Variants in ASTN2 observed in about 807,000 individuals in gnomAD.
ASTN2 encodes astrotactin-2.
Under a neutral mutation model 139.8 loss-of-function variants are expected in ASTN2, and 54 were observed. That is an observed-to-expected ratio of 0.39 (90% CI 0.31 to 0.48). The LOEUF (loss-of-function observed/expected upper bound fraction) is 0.48. ASTN2 is among the 20% of genes least tolerant of loss of function. The pLI, the probability that ASTN2 is intolerant of heterozygous loss-of-function variation, is 0.95. For missense variants in ASTN2, 1,565 were observed against 1,725.1 expected (o/e 0.91, Z 1.64); for synonymous variants, 756 against 719.5 (o/e 1.05, Z -0.81).
chr9:117,122,452 T>TG (rs1829581119), intron 4 of ASTN2, among the ~76,000 whole-genome samples: 1 of 151,582 alleles, frequency 6.6e-6, no homozygotes, highest in African/African-American at 2.4e-5. Flanking sequence ...CACCTGGGAG[T>TG]GGGGAGGGAA....
At chr9:116,544,983 T>G (rs1224565945) in intron 19 of ASTN2, among the ~76,000 whole-genome samples, 1 of 152,232 alleles carries the variant, frequency 6.6e-6, no homozygotes, top group Admixed American at 6.5e-5. Flanking sequence ...CTGGCCCAGC[T>G]ACCTGCTCCC....
intron 22 of ASTN2, among the ~76,000 whole-genome samples, chr9:116,427,343 C>T (rs141732421): frequency 1.3e-5 from 2 of 152,284 alleles, no homozygotes; most frequent in African/African-American, 2.4e-5. Context: ...GGCAAAATCA[C>T]CCAAGTTGAG....
chr9:116,460,695 G>T (rs1424215303), intron 20 of ASTN2, among the ~76,000 whole-genome samples: 1 of 152,086 alleles, frequency 6.6e-6, no homozygotes, highest in Non-Finnish European at 1.5e-5. Flanking sequence ...CAGAGTTTAG[G>T]GTCATGGATG....
chr9:117,274,278 A>C (rs1008254580), intron 2 of ASTN2, among the ~76,000 whole-genome samples: 2 of 152,154 alleles, frequency 1.3e-5, no homozygotes, highest in Non-Finnish European at 2.9e-5. Context: ...TGACTCTGGG[A>C]GGTAGAGGTT....
At chr9:117,003,953 C>CGCGCGCGT (rs1218309835) in intron 7 of ASTN2, among the ~76,000 whole-genome samples, 19 of 146,286 alleles carry the variant, frequency 1.3e-4, no homozygotes, top group African/African-American at 4.2e-4. Context: ...CGCGCGCGCG[C>CGCGCGCGT]GTGTGTGTGT....
At chr9:116,987,344 T>G (rs1204881420) in intron 7 of ASTN2, among the ~76,000 whole-genome samples, 1 of 152,212 alleles carries the variant, frequency 6.6e-6, no homozygotes, top group Non-Finnish European at 1.5e-5. Context: ...GCTCAGCTCA[T>G]GTGGGCAACC....
intron 19 of ASTN2, among the ~76,000 whole-genome samples, chr9:116,603,816 C>A (rs1182520573): frequency 2.0e-5 from 3 of 152,142 alleles, no homozygotes; most frequent in African/African-American, 7.2e-5. Flanking sequence ...TAACGGGAAG[C>A]TGCTACTAAG....
At position 116,426,098 on chromosome 9, in the gene ASTN2, A is replaced by G; in HGVS notation, c.3783-10T>C. The stretch of plus-strand genomic sequence containing the variant: ...AATCAGGTGGGCCTTCCTGAAAGGT[A>G]GGATGAGACAGCCATGATTAAAGAA... On this transcript the variant is annotated splice_polypyrimidine_tract_variant and intron_variant, in intron 22 of 22. Coordinates refer to ENST00000313400, the MANE Select transcript of ASTN2 (RefSeq NM_001365068.1). The G allele has an allele frequency of 6.2e-7, 1 of 1,611,346 alleles. No individual in the cohort carries two copies. The highest frequency in any genetic ancestry group is 1.1e-5 in the South Asian group (1 of 91,064).
intron 7 of ASTN2, among the ~76,000 whole-genome samples, chr9:117,005,080 A>T (rs1041644850): frequency 2.1e-4 from 16 of 74,668 alleles, no homozygotes; most frequent in Non-Finnish European, 2.5e-4. Context: ...CCTGTAGTCG[A>T]TTTTTTTTTT....
chr9:117,363,397 A>G (rs969513353), intron 1 of ASTN2, among the ~76,000 whole-genome samples: 9 of 152,206 alleles, frequency 5.9e-5, no homozygotes, highest in African/African-American at 1.9e-4. Context: ...GTCCCATTCT[A>G]TAAGTAAAAC....
At chr9:116,966,022 G>T (rs1415123442) in intron 10 of ASTN2, among the ~76,000 whole-genome samples, 1 of 152,162 alleles carries the variant, frequency 6.6e-6, no homozygotes, top group Non-Finnish European at 1.5e-5. Context: ...ACTATCTCCA[G>T]TTTGGGGTCA....
chr9:117,337,517 G>A (rs1356921558), intron 1 of ASTN2, among the ~76,000 whole-genome samples: 1 of 152,120 alleles, frequency 6.6e-6, no homozygotes, highest in Non-Finnish European at 1.5e-5. Flanking sequence ...TCTTATAACA[G>A]CACCGTTAAG....
chr9:116,470,610 C>G lies in ASTN2; in HGVS notation c.3497+16749G>C, dbSNP rs1161598686. Among the ~76,000 whole-genome samples the G allele has an allele frequency of 3.3e-5, 5 of 152,274 alleles. No individual in the cohort carries two copies. In the East Asian group the frequency reaches 9.6e-4, roughly 29 times the overall value. On this transcript the variant is annotated intron_variant, in intron 20 of 22. Coordinates refer to ENST00000313400, the MANE Select transcript of ASTN2 (RefSeq NM_001365068.1). ...TGGTGCCTGGTATATTGAAAGCACT[C>G]TTTATATAATAGCCATTCATATCAT...
At chr9:116,926,144 A>T (rs575138328) in intron 10 of ASTN2, among the ~76,000 whole-genome samples, 3 of 152,024 alleles carry the variant, frequency 2.0e-5, no homozygotes, top group Non-Finnish European at 2.9e-5. Context: ...CCTGTTTGTA[A>T]TGTTGTTCCC....
chr9:116,941,811 G>A (rs959786559), intron 10 of ASTN2, among the ~76,000 whole-genome samples: 5 of 151,806 alleles, frequency 3.3e-5, no homozygotes, highest in Admixed American at 6.6e-5. Context: ...ACAGCCTTAC[G>A]CAGACCAAAT....
At chr9:117,388,113 C>T (rs1830447782) in intron 1 of ASTN2, among the ~76,000 whole-genome samples, 2 of 152,138 alleles carry the variant, frequency 1.3e-5, no homozygotes, top group African/African-American at 4.8e-5. Flanking sequence ...TGGAGCCATC[C>T]AAGATTCCAT....
chr9:116,516,932 C>T (rs781518745), intron 19 of ASTN2, among the ~76,000 whole-genome samples: 2 of 152,176 alleles, frequency 1.3e-5, no homozygotes, highest in African/African-American at 2.4e-5. Context: ...GCCTGGGAAC[C>T]ATACCCCATT....
intron 2 of ASTN2, among the ~76,000 whole-genome samples, chr9:117,257,593 T>C (rs905191925): frequency 2.6e-5 from 4 of 152,224 alleles, no homozygotes; most frequent in African/African-American, 9.6e-5. Context: ...CATTATTTAA[T>C]GTATTTTTCT....
chr9:116,458,961 A>G (rs1352517177), intron 20 of ASTN2, among the ~76,000 whole-genome samples: 1 of 152,078 alleles, frequency 6.6e-6, no homozygotes, highest in East Asian at 1.9e-4. Flanking sequence ...ACAATATTTA[A>G]AAAGAAAAAA....
Sources: gnomAD v4.1 joint callset for allele counts (sites outside exome capture counted in the v4.1 genomes callset) on GRCh38, gnomAD v4.1.1 for gene constraint, MANE v1.5 for transcripts, NCBI Gene and HGNC (gene_info 2026-07-23, HGNC 2026-07-21) for gene names.